LYST: variants seen among roughly 807,000 people sequenced by gnomAD.
LYST encodes lysosomal-trafficking regulator.
A neutral mutation model predicts 413.6 loss-of-function variants in LYST; 192 were observed. The observed-to-expected ratio is 0.46, with a 90% confidence interval of 0.41 to 0.52. The LOEUF is 0.52. Ranked by LOEUF, LYST falls within the 20% of genes least tolerant of loss-of-function variation. The pLI is 0.00. For missense variants in LYST, 3,815 were observed against 4,499.9 expected (o/e 0.85, Z 4.35); for synonymous variants, 1,525 against 1,567.3 (o/e 0.97, Z 0.64).
In LYST at chr1:235,753,177, G is replaced by T. The variant is rs755134245; in HGVS notation, c.7327C>A (p.Leu2443Ile). The T allele has an allele frequency of 1.2e-6, 2 of 1,607,276 alleles. No individual in the cohort carries two copies. The highest frequency in any genetic ancestry group is 1.7e-6 in the Non-Finnish European group (2 of 1,174,022). Residue 2443 changes from leucine to isoleucine, a missense_variant, in exon 26 of 53, where the codon CTC becomes ATC. Coordinates refer to ENST00000389793, the MANE Select transcript of LYST (RefSeq NM_000081.4). ...AGAAGTAAAAGAGCATTATGCAAGA[G>T]TATGTTGTCATATAGAGAGGTCTCT... ...LIETSLYDNI[L>I]LHNALLLLLQ...
At chr1:235,858,791 T>C (rs1447201436) in intron 1 of LYST, among the ~76,000 whole-genome samples, 1 of 152,138 alleles carries the variant, frequency 6.6e-6, no homozygotes, top group Non-Finnish European at 1.5e-5. Flanking sequence ...GTTTTCTGCA[T>C]TGTTATGGGG....
At chr1:235,803,448 T>C (rs887979069) in intron 7 of LYST, among the ~76,000 whole-genome samples, 2 of 152,152 alleles carry the variant, frequency 1.3e-5, no homozygotes, top group Admixed American at 1.3e-4. Flanking sequence ...AAAGATTTTT[T>C]CATAAGGATT....
intron 1 of LYST, among the ~76,000 whole-genome samples, chr1:235,836,034 A>G (rs971382799): frequency 6.6e-6 from 1 of 152,256 alleles, no homozygotes; most frequent in African/African-American, 2.4e-5. Context: ...AATGAAAAAC[A>G]TAGTAACAAA....
intron 6 of LYST, among the ~76,000 whole-genome samples, chr1:235,805,446 T>C (rs1672710748): frequency 6.6e-6 from 1 of 151,960 alleles, no homozygotes; most frequent in African/African-American, 2.4e-5. Context: ...GGTAAAGGAG[T>C]TCTGGGCAGG....
chr1:235,800,802 C>CTTA, intron 9 of LYST, 69 bp downstream of exon 9: 3 of 1,078,152 alleles, frequency 2.8e-6, no homozygotes, highest in Admixed American at 2.0e-5. Context: ...CTGGGTTATA[C>CTTA]ATAAGGAGAT....
Position 235,741,528 on chromosome 1 carries a change from A to C in LYST, c.8252T>G (p.Ile2751Ser), listed in dbSNP as rs1665399930. ...RMQLGRLLVH[I>S]LSPAHAAQER... is the part of the protein sequence containing the mutation. ...TTGTGCAGCGTGGGCTGGCGACAAA[A>C]TATGCACTAGTAGTCTCCCAAGCTG... Residue 2751 changes from isoleucine (I) to serine (S), a missense_variant, in exon 31 of 53, where the codon ATT (isoleucine) becomes AGT (serine). Ile to Ser is a moderately radical substitution (Grantham distance 142, BLOSUM62 -2). This residue lies in a region of LYST where 771 missense variants were observed against 837.1 expected (regional missense o/e 0.92). Coordinates refer to ENST00000389793, the MANE Select transcript of LYST (RefSeq NM_000081.4). 1 of 1,613,942 alleles carries C rather than the reference A, an allele frequency of 6.2e-7. No homozygotes were observed. The highest frequency in any genetic ancestry group is 1.3e-5 in the African/African-American group (1 of 74,920).
At chr1:235,771,355 A>C (rs1185501030) in intron 19 of LYST, among the ~76,000 whole-genome samples, 1 of 152,228 alleles carries the variant, frequency 6.6e-6, no homozygotes, top group African/African-American at 2.4e-5. Context: ...TATGTGTCTT[A>C]TCACTTTCAA....
intron 19 of LYST, among the ~76,000 whole-genome samples, chr1:235,773,575 C>T (rs1052479494): frequency 1.3e-5 from 2 of 152,136 alleles, no homozygotes; most frequent in African/African-American, 4.8e-5. Context: ...TACGATCCTA[C>T]TTATATGAGA....
At chr1:235,811,370 C>T (rs1224701133) in intron 4 of LYST, among the ~76,000 whole-genome samples, 1 of 152,132 alleles carries the variant, frequency 6.6e-6, no homozygotes, top group Non-Finnish European at 1.5e-5. Flanking sequence ...AATTTAACTA[C>T]TTTAAGATTT....
chr1:235,879,525 G>A (rs1470009556), intron 1 of LYST, among the ~76,000 whole-genome samples: 2 of 152,196 alleles, frequency 1.3e-5, no homozygotes, highest in Non-Finnish European at 2.9e-5. Flanking sequence ...TGAAGGGAAA[G>A]AGAACAGGGA....
intron 38 of LYST, among the ~76,000 whole-genome samples, chr1:235,724,406 G>GA (rs1289336210): frequency 6.6e-6 from 1 of 152,094 alleles, no homozygotes; most frequent in Non-Finnish European, 1.5e-5. Context: ...TAGGTTTACA[G>GA]AAAATTGAGC....
At chr1:235,803,305 T>C (rs957860987) in intron 7 of LYST, among the ~76,000 whole-genome samples, 1 of 152,142 alleles carries the variant, frequency 6.6e-6, no homozygotes, top group Non-Finnish European at 1.5e-5. Flanking sequence ...CATTTCAGTT[T>C]AATAAATAAA....
At chr1:235,687,512 G>A (rs990487961) in intron 47 of LYST, among the ~76,000 whole-genome samples, 4 of 152,186 alleles carry the variant, frequency 2.6e-5, no homozygotes, top group African/African-American at 7.2e-5. Context: ...AGATTGTTAA[G>A]CAGGGGAAGA....
chr1:235,785,505 G>A (rs1558240948), intron 14 of LYST, among the ~76,000 whole-genome samples: 1 of 152,190 alleles, frequency 6.6e-6, no homozygotes, highest in Non-Finnish European at 1.5e-5. Flanking sequence ...GTTAATCTGT[G>A]TTAAGGGTAT....
intron 47 of LYST, among the ~76,000 whole-genome samples, chr1:235,689,588 G>A (rs1660495732): frequency 6.9e-6 from 1 of 144,434 alleles, no homozygotes; most frequent in Non-Finnish European, 1.6e-5. Context: ...AGAGGATGGT[G>A]ACTACTGTTA....
chr1:235,788,937 C>A, intron 12 of LYST, 92 bp from the exon 13 acceptor site: 1 of 1,165,472 alleles, frequency 8.6e-7, no homozygotes, highest in South Asian at 1.3e-5. Flanking sequence ...CAAATTTGTT[C>A]ATTTGTAGTA....
intron 1 of LYST, among the ~76,000 whole-genome samples, chr1:235,838,511 G>A (rs1439318087): frequency 6.6e-6 from 1 of 152,170 alleles, no homozygotes; most frequent in Non-Finnish European, 1.5e-5. Flanking sequence ...TTTTCTTTAA[G>A]TATAATATTT....
At chr1:235,869,815 A>T (rs4659611), upstream of LYST, among the ~76,000 whole-genome samples, 114,812 of 151,978 alleles carry the variant, frequency 0.76, 43,386 homozygotes, top group East Asian at 0.88. Context: ...TGGCTCCTCA[A>T]AACTTCGTCT....
At chr1:235,726,668 T>C (rs1334037305) in intron 38 of LYST, among the ~76,000 whole-genome samples, 2 of 152,180 alleles carry the variant, frequency 1.3e-5, no homozygotes, top group Admixed American at 6.5e-5. Flanking sequence ...AAAAAAATTT[T>C]CCTCTTTATT....
Sources: gnomAD v4.1 joint callset for allele counts (sites outside exome capture counted in the v4.1 genomes callset) on GRCh38, gnomAD v4.1.1 for gene constraint, gnomAD v4.1.1 regional missense constraint, MANE v1.5 for transcripts, NCBI Gene and HGNC (gene_info 2026-07-23, HGNC 2026-07-21) for gene names.